The following RYR1 variants were observed in gnomAD, a reference collection of about 807,000 sequenced individuals.
RYR1 encodes the protein central core disease of muscle.
RYR1 carries 342 observed loss-of-function variants against 583.5 expected under a neutral mutation model. The ratio of observed to expected loss-of-function variants is 0.59; its 90% CI spans 0.54 to 0.64. RYR1 has a LOEUF of 0.64. Ranked by LOEUF, RYR1 falls within the 30% of genes least tolerant of loss-of-function variation. RYR1 has a pLI of 0.00. For missense variants in RYR1, 6,032 were observed against 6,917.2 expected (o/e 0.87, Z 4.54); for synonymous variants, 2,791 against 2,822.5 (o/e 0.99, Z 0.35).
chr19:38,492,943 G>T (rs1202218528), intron 38 of RYR1, among the ~76,000 whole-genome samples: 1 of 152,140 alleles, frequency 6.6e-6, no homozygotes, highest in Non-Finnish European at 1.5e-5. Flanking sequence ...GGCGGTGCAT[G>T]CCTGTAATCC....
intron 9 of RYR1, among the ~76,000 whole-genome samples, chr19:38,447,173 T>C (rs371223042): frequency 4.5e-4 from 68 of 152,028 alleles, no homozygotes; most frequent in Admixed American, 1.3e-3. Flanking sequence ...TGCAGTGAGC[T>C]GAGATCCTGC....
rs1361659903 is a variant in RYR1 at position 38,565,390 on chromosome 19, G to A, written c.13056G>A (p.Ala4352=). ...GGGCCGCTGGCGCGGGGGCGGCGGC[G>A]GGCGCGCTGGGCCTGCTCTGGGGCT... ...RAGAAGAGAA[A]GALGLLWGSL... is the part of the protein sequence containing the mutation. The change falls in exon 91 of 106, where the codon GCG becomes GCA. Residue 4352 remains alanine (A), a synonymous_variant. Coordinates refer to ENST00000359596, the MANE Select transcript of RYR1 (RefSeq NM_000540.3). The surrounding 1 kb of genome is among the most constrained non-coding windows in gnomAD (Gnocchi z 4.7). 11 of 1,364,788 alleles carry A rather than the reference G, an allele frequency of 8.1e-6. No individual in the cohort carries two copies. The highest frequency in any genetic ancestry group is 1.0e-5 in the Non-Finnish European group (11 of 1,067,940). 84.5% of individuals were successfully genotyped at this position (1,364,788 alleles called of 1,614,324 possible).
intron 89 of RYR1, among the ~76,000 whole-genome samples, chr19:38,559,335 G>A (rs2145824631): frequency 6.7e-6 from 1 of 148,322 alleles, no homozygotes; most frequent in East Asian, 2.2e-4. Context: ...CCAGGTTCAA[G>A]CCATTCTCCT....
At chr19:38,460,290 C>A in intron 19 of RYR1, 85 bp from the exon 20 acceptor site, 2 of 1,264,056 alleles carry the variant, frequency 1.6e-6, no homozygotes, top group South Asian at 1.2e-5. Context: ...CCATTGATCC[C>A]AGGACTGCTT....
intron 1 of RYR1, among the ~76,000 whole-genome samples, chr19:38,435,742 C>T (rs951231324): frequency 1.3e-5 from 2 of 151,896 alleles, no homozygotes; most frequent in East Asian, 3.9e-4. Flanking sequence ...CATCTCAGAA[C>T]AAAAAACCTT....
At chr19:38,456,316 C>T (rs1449924066) in intron 16 of RYR1, among the ~76,000 whole-genome samples, 1 of 136,368 alleles carries the variant, frequency 7.3e-6, no homozygotes, top group African/African-American at 2.7e-5. Context: ...CGCTCTGTCA[C>T]CCAGACTGGA....
chr19:38,537,014 C>T, intron 83 of RYR1: 1 of 593,378 alleles, frequency 1.7e-6, no homozygotes, highest in Non-Finnish European at 3.0e-6. Flanking sequence ...GCTTCACTTT[C>T]CCCATGTGTG....
In RYR1 at chr19:38,577,920, C is replaced by T. The variant is rs762507425; in HGVS notation, c.14175C>T (p.Val4725=). The T allele has an allele frequency of 8.1e-6, 13 of 1,613,976 alleles. No homozygotes were observed. The Admixed American group carries it at 2.2e-4, about 27-fold the overall frequency. The stretch of plus-strand genomic sequence containing the variant: ...CAGCCTGATGCTCTCTTGTGCAGGT[C>T]CTGGACAAACATGGGGACATCTACG... ...NYWDKFVKRK[V]LDKHGDIYGR... The change falls in exon 98 of 106, where the codon GTC becomes GTT. Residue 4725 remains valine, a splice_region_variant and synonymous_variant. Transcript: ENST00000359596.
intron 90 of RYR1, among the ~76,000 whole-genome samples, chr19:38,563,846 G>C (rs1431602867): frequency 2.0e-5 from 3 of 152,216 alleles, no homozygotes; most frequent in Non-Finnish European, 2.9e-5. Flanking sequence ...CTCTCTGGGG[G>C]TTCGAATCCT....
chr19:38,469,934 G>C (rs1600721551), intron 27 of RYR1, among the ~76,000 whole-genome samples: 1 of 152,046 alleles, frequency 6.6e-6, no homozygotes, highest in East Asian at 1.9e-4. Context: ...AGCAAGGTGT[G>C]TAGTATGCAC....
At chr19:38,555,044 C>T (rs1972820317) in intron 89 of RYR1, among the ~76,000 whole-genome samples, 2 of 152,092 alleles carry the variant, frequency 1.3e-5, no homozygotes, top group Non-Finnish European at 2.9e-5. Context: ...GAACCCCATA[C>T]CCATTAGCAG....
chr19:38,478,417 C>A lies in RYR1; in HGVS notation c.4455-18C>A. On this transcript the variant is annotated intron_variant, in intron 30 of 105. Transcript: ENST00000359596. The stretch of plus-strand genomic sequence containing the variant: ...CTACTCACATGAGGAGTGCAGTGAC[C>A]GCTTCTGTCTCCTGCAGCCTCAAGT... 1 of 1,611,696 alleles carries A rather than the reference C, an allele frequency of 6.2e-7. No homozygotes were observed. Among genetic ancestry groups the A allele is most frequent in the Non-Finnish European group, 8.5e-7 (1 of 1,179,914 alleles).
chr19:38,586,430 G>A (rs1974491834), intron 104 of RYR1, 95 bp from the exon 105 acceptor site: 1 of 1,329,862 alleles, frequency 7.5e-7, no homozygotes, highest in Non-Finnish European at 1.1e-6. Context: ...AGACCAGCTT[G>A]GGCAACATAG....
chr19:38,564,489 C>T (rs60491344), intron 90 of RYR1, among the ~76,000 whole-genome samples: 7,704 of 152,122 alleles, frequency 0.051, 639 homozygotes, highest in African/African-American at 0.17. Flanking sequence ...CACTTCATTC[C>T]AGCCTAGGAG....
intron 50 of RYR1, 50 bp from the exon 51 acceptor site, chr19:38,504,698 C>A: frequency 6.2e-7 from 1 of 1,602,196 alleles, no homozygotes; most frequent in South Asian, 1.1e-5. Flanking sequence ...TCCTGGGGGT[C>A]AGTAAGGCTT....
intron 13 of RYR1, among the ~76,000 whole-genome samples, chr19:38,454,788 TA>T (rs72192667): frequency 8.2e-5 from 12 of 146,204 alleles, no homozygotes; most frequent in South Asian, 6.5e-4. Flanking sequence ...TATTAAAATG[TA>T]AAAAAAAAAA....
rs1223736866 is a variant in RYR1 at position 38,494,331 on chromosome 19, C to T, written c.6275-21C>T. On this transcript the variant is annotated intron_variant, in intron 38 of 105. Transcript: ENST00000359596. ...ACCTGCCCTGCATGGTGCTCCAAGC[C>T]TTGCATTGTCTCCTTCCCAGGGTCC... is the stretch of plus-strand genomic sequence containing the variant. 3 of 1,610,932 alleles carry T rather than the reference C, an allele frequency of 1.9e-6. No homozygotes were observed. The African/African-American group carries it at 4.0e-5, about 22-fold the overall frequency.
Position 38,517,702 on chromosome 19 carries a change from G to A in RYR1, c.10018+11G>A. On this transcript the variant is annotated intron_variant, in intron 66 of 105. Coordinates refer to ENST00000359596, the MANE Select transcript of RYR1 (RefSeq NM_000540.3). Reference sequence around the variant, plus strand: ...TGAAGCGGCTGGCTGGTGGGTCGGGGGGCACTGGGCCTCTGAGGGGTGGGT... The same window carrying A: ...TGAAGCGGCTGGCTGGTGGGTCGGGAGGCACTGGGCCTCTGAGGGGTGGGT... The A allele has an allele frequency of 6.8e-6, 11 of 1,613,780 alleles. No homozygotes were observed. The highest frequency in any genetic ancestry group is 9.3e-6 in the Non-Finnish European group (11 of 1,179,652).
chr19:38,485,690 C>T lies in RYR1; in HGVS notation c.5035C>T (p.Arg1679Cys), dbSNP rs1157293156. 1.9e-6 allele frequency: 3 copies of T among 1,611,060 alleles called. No individual in the cohort carries two copies. The highest frequency in any genetic ancestry group is 2.2e-5 in the East Asian group (1 of 44,878). ...YRAVCALGNN[R>C]VAHALCSHVD... ...CGCTGTGTGCGCCCTGGGCAACAAT[C>T]GCGTGGCGCACGCTCTGTGCAGCCA... Residue 1679 changes from arginine to cysteine, a missense_variant, in exon 34 of 106, where the codon CGC becomes TGC. Arg to Cys is a radical substitution (Grantham distance 180). Transcript: ENST00000359596.
Sources: gnomAD v4.1 joint callset for allele counts (sites outside exome capture counted in the v4.1 genomes callset) on GRCh38, gnomAD v4.1.1 for gene constraint, Gnocchi (gnomAD v3.1) non-coding constraint, MANE v1.5 for transcripts, NCBI Gene and HGNC (gene_info 2026-07-23, HGNC 2026-07-21) for gene names.